Variants in SPAG17 observed in about 807,000 individuals in gnomAD.
SPAG17 encodes sperm associated antigen 17, also known as sperm-associated antigen 17.
Under a neutral mutation model 273.6 loss-of-function variants are expected in SPAG17, and 169 were observed. The observed-to-expected ratio is 0.62, with a 90% CI of 0.55 to 0.70. The LOEUF (loss-of-function observed/expected upper bound fraction) is 0.70, where lower values mean the gene tolerates loss of function less well. Among genes scored for constraint, SPAG17 ranks in the 30% least tolerant of loss-of-function variants. The probability of loss-of-function intolerance (pLI) is 0.00; values close to 1 mark genes in which losing one functional copy is unlikely to be tolerated. For synonymous variants in SPAG17, 825 were observed against 873.2 expected, an observed-to-expected ratio of 0.94 and a Z score of 0.97; for missense variants, 2,557 against 2,627.8, an observed-to-expected ratio of 0.97 and a Z score of 0.59.
At chr1:118,016,948 T>C (rs1482397136) in intron 28 of SPAG17, among the ~76,000 whole-genome samples, 1 of 152,170 alleles carries the variant, frequency 6.6e-6, no homozygotes, top group Non-Finnish European at 1.5e-5. Context: ...CACATCTCAA[T>C]GATGAGGTAA....
chr1:118,180,079 G>A (rs1408011215), intron 1 of SPAG17, among the ~76,000 whole-genome samples: 1 of 151,948 alleles, frequency 6.6e-6, no homozygotes, highest in Non-Finnish European at 1.5e-5. Flanking sequence ...TAATCCGGCA[G>A]TTCTGCTACT....
intron 32 of SPAG17, among the ~76,000 whole-genome samples, chr1:118,000,032 T>C (rs1436218431): frequency 6.6e-6 from 1 of 152,212 alleles, no homozygotes; most frequent in East Asian, 1.9e-4. Flanking sequence ...AGTTTCAGCT[T>C]TCTACATATG....
chr1:118,161,253 C>G (rs938576111), intron 1 of SPAG17, among the ~76,000 whole-genome samples: 3 of 152,174 alleles, frequency 2.0e-5, no homozygotes, highest in East Asian at 1.9e-4. Context: ...AGAGCTGGAG[C>G]TGTGCAGTAA....
intron 4 of SPAG17, among the ~76,000 whole-genome samples, chr1:118,104,654 G>A (rs778533012): frequency 1.3e-5 from 2 of 152,126 alleles, no homozygotes; most frequent in Non-Finnish European, 2.9e-5. Context: ...ACAGCGAAGT[G>A]GATAAAAAGA....
At chr1:117,977,404 T>A (rs1655259552) in intron 43 of SPAG17, among the ~76,000 whole-genome samples, 1 of 152,128 alleles carries the variant, frequency 6.6e-6, no homozygotes, top group African/African-American at 2.4e-5. Context: ...GAATTAAGAG[T>A]CTTAAAACTC....
chr1:118,146,414 T>C (rs1472323220), intron 3 of SPAG17, among the ~76,000 whole-genome samples: 2 of 152,238 alleles, frequency 1.3e-5, no homozygotes, highest in Non-Finnish European at 2.9e-5. Flanking sequence ...AGGTAGCAAG[T>C]ATACTTAAGT....
At position 117,994,444 on chromosome 1, in the gene SPAG17, G is replaced by T. The variant is rs778439848; in HGVS notation, c.5140C>A (p.Leu1714Ile). 1.9e-6 allele frequency: 3 copies of T among 1,612,926 alleles called. No homozygotes were observed. Among genetic ancestry groups the T allele is most frequent in the African/African-American group, 2.7e-5 (2 of 74,970 alleles). ...KKEDTIVPPN[L>I]RSRSWETFPS... ...AATGTTTCCCATGACCTTGACCGGAGATTAGGAGGGACAATTGTATCTTCC... is the reference window on the plus strand; with the variant it reads ...AATGTTTCCCATGACCTTGACCGGATATTAGGAGGGACAATTGTATCTTCC... Residue 1714 changes from leucine to isoleucine, a missense_variant, in exon 35 of 49, where the codon CTC becomes ATC. By Grantham distance (5) the Leu-to-Ile change is conservative. Coordinates refer to ENST00000336338, the MANE Select transcript of SPAG17 (RefSeq NM_206996.4).
At position 118,047,485 on chromosome 1, in the gene SPAG17, G is replaced by C. The variant is rs560941817; in HGVS notation, c.2815-5443C>G. Among the ~76,000 whole-genome samples, 4 of 151,932 alleles carry C rather than the reference G, an allele frequency of 2.6e-5. No individual in the cohort carries two copies. The East Asian group carries it at 7.8e-4, about 29-fold the overall frequency. On this transcript the variant is annotated intron_variant, in intron 20 of 48. Transcript: ENST00000336338. Reference sequence around the variant, plus strand: ...CTGCCAGGCCCACCTCAGTGGTCGCGTACTCCAGGCTGCCTCTAGCATCAA... The same window carrying C: ...CTGCCAGGCCCACCTCAGTGGTCGCCTACTCCAGGCTGCCTCTAGCATCAA...
At chr1:118,010,285 C>T (rs1020626490) in intron 30 of SPAG17, among the ~76,000 whole-genome samples, 3 of 149,628 alleles carry the variant, frequency 2.0e-5, no homozygotes, top group South Asian at 2.1e-4. Context: ...CAACCGTAAC[C>T]GTGCTACTCA....
rs1160957346 is a variant in SPAG17 at position 118,085,986 on chromosome 1, G to A, written c.1698C>T (p.Pro566=). 3 of 1,613,756 alleles carry A rather than the reference G, an allele frequency of 1.9e-6. No homozygotes were observed. The highest frequency in any genetic ancestry group is 2.2e-5 in the South Asian group (2 of 91,028). The change falls in exon 13 of 49, where the codon CCC becomes CCT. Residue 566 remains proline (P), a synonymous_variant. Coordinates refer to ENST00000336338, the MANE Select transcript of SPAG17 (RefSeq NM_206996.4). ...GACGTTTAGTGTTGTTCCATGGTGG[G>A]GGTAGAGGGAATTGAAGAAATTCCC... is the stretch of plus-strand genomic sequence containing the variant. ...PLWEFLQFPL[P]PPWNNTKRLA... is the part of the protein sequence containing the mutation.
chr1:117,988,217 A>T lies in SPAG17; in HGVS notation c.5522-13T>A. On this transcript the variant is annotated splice_polypyrimidine_tract_variant and intron_variant, in intron 38 of 48. Transcript: ENST00000336338. ...AGGTGAGCTGCAACTTTAAACATAG[A>T]TGTATTTAACTTTTATCCCCACTTC... 6.4e-7 allele frequency: 1 copy of T among 1,573,744 alleles called. No homozygotes were observed. The highest frequency in any genetic ancestry group is 8.6e-7 in the Non-Finnish European group (1 of 1,163,370).
chr1:117,992,709 T>A, intron 35 of SPAG17, 61 bp from the exon 36 acceptor site: 1 of 1,358,614 alleles, frequency 7.4e-7, no homozygotes, highest in Non-Finnish European at 9.7e-7. Context: ...ACATTCAAAT[T>A]TTTTTTAACT....
intron 4 of SPAG17, among the ~76,000 whole-genome samples, chr1:118,103,315 G>A (rs550550466): frequency 6.6e-6 from 1 of 152,248 alleles, no homozygotes; most frequent in South Asian, 2.1e-4. Flanking sequence ...TGACACAAAT[G>A]CGGTAATCTT....
chr1:118,151,463 T>A, intron 1 of SPAG17, 94 bp from the exon 2 acceptor site: 1 of 1,228,172 alleles, frequency 8.1e-7, no homozygotes, highest in Non-Finnish European at 1.1e-6. Context: ...AATTTTCCTG[T>A]AAATCTTACT....
intron 3 of SPAG17, among the ~76,000 whole-genome samples, chr1:118,147,274 G>T (rs1172579954): frequency 6.6e-6 from 1 of 151,704 alleles, no homozygotes; most frequent in Non-Finnish European, 1.5e-5. Flanking sequence ...GAGTATGTTT[G>T]TTAATATTCG....
At chr1:118,042,705 G>C (rs1329089876) in intron 20 of SPAG17, among the ~76,000 whole-genome samples, 3 of 152,096 alleles carry the variant, frequency 2.0e-5, no homozygotes, top group African/African-American at 4.8e-5. Context: ...CCAAGTGAAC[G>C]ACTTTATAAC....
intron 24 of SPAG17, among the ~76,000 whole-genome samples, chr1:118,033,659 C>A (rs1648742193): frequency 6.6e-6 from 1 of 152,350 alleles, no homozygotes; most frequent in South Asian, 2.1e-4. Flanking sequence ...CCACTCACTG[C>A]CTATGTAGGG....
intron 4 of SPAG17, among the ~76,000 whole-genome samples, chr1:118,110,162 A>T (rs1656674484): frequency 6.6e-6 from 1 of 152,216 alleles, no homozygotes; most frequent in South Asian, 2.1e-4. Flanking sequence ...TATGAAAAGA[A>T]ATTGAAATAA....
intron 38 of SPAG17, 40 bp downstream of exon 38, chr1:117,990,821 C>G: frequency 7.2e-7 from 1 of 1,380,968 alleles, no homozygotes; most frequent in Non-Finnish European, 1.0e-6. Flanking sequence ...TCCTTTGAAA[C>G]TTGTAAATAT....
Sources: allele counts gnomAD v4.1 joint callset (sites outside exome capture counted in the v4.1 genomes callset), GRCh38; gene constraint gnomAD v4.1.1; transcripts MANE v1.5; gene names NCBI Gene and HGNC (gene_info 2026-07-23, HGNC 2026-07-21).